The following SLC12A1 variants were observed in gnomAD, a reference collection of about 807,000 sequenced individuals.
SLC12A1 encodes Na-K-2Cl cotransporter.
Under a neutral mutation model 130.4 loss-of-function variants are expected in SLC12A1, and 89 were observed. The ratio of observed to expected loss-of-function variants is 0.68; its 90% CI spans 0.58 to 0.81. The LOEUF (loss-of-function observed/expected upper bound fraction) is 0.81, where lower values mean the gene tolerates loss of function less well. Among genes scored for constraint, SLC12A1 ranks in the 40% least tolerant of loss-of-function variants. The probability of loss-of-function intolerance (pLI) is 0.00; values close to 1 mark genes in which losing one functional copy is unlikely to be tolerated. For missense variants in SLC12A1, 1,310 were observed against 1,336.4 expected, an observed-to-expected ratio of 0.98 and a Z score of 0.31; for synonymous variants, 499 against 460.0, an observed-to-expected ratio of 1.08 and a Z score of -1.09.
chr15:48,244,402 A>G (rs1172299142), intron 10 of SLC12A1, among the ~76,000 whole-genome samples: 1 of 152,226 alleles, frequency 6.6e-6, no homozygotes. Flanking sequence ...CTTCTACTTG[A>G]AAAACATCCA....
chr15:48,234,613 G>A lies in SLC12A1; in HGVS notation c.1088-264G>A, dbSNP rs190099260. ...CAAAAAATTAGCCAGGTGTGGTGGCGGGCGCCTGTAATCCCAGCTACTTGC... is the reference window on the plus strand; with the variant it reads ...CAAAAAATTAGCCAGGTGTGGTGGCAGGCGCCTGTAATCCCAGCTACTTGC... On this transcript the variant is annotated intron_variant, in intron 8 of 26. Transcript: ENST00000380993. Among the ~76,000 whole-genome samples the A allele has an allele frequency of 2.9e-3, 443 of 151,958 alleles. 4 individuals are homozygous for A. Among genetic ancestry groups the A allele is most frequent in the African/African-American group, 0.01 (416 of 41,432 alleles).
chr15:48,209,406 T>C (rs549708292), intron 2 of SLC12A1, among the ~76,000 whole-genome samples: 2 of 152,166 alleles, frequency 1.3e-5, no homozygotes, highest in Non-Finnish European at 2.9e-5. Flanking sequence ...TTCCATAACT[T>C]TCTCCAAAAT....
intron 23 of SLC12A1, among the ~76,000 whole-genome samples, chr15:48,289,554 T>C (rs1239012400): frequency 6.6e-6 from 1 of 151,932 alleles, no homozygotes; most frequent in Non-Finnish European, 1.5e-5. Context: ...CAATTTCCTA[T>C]TGTGCAAACA....
chr15:48,281,179 C>T (rs2042005528), intron 20 of SLC12A1, among the ~76,000 whole-genome samples: 1 of 152,166 alleles, frequency 6.6e-6, no homozygotes, highest in Admixed American at 6.5e-5. Flanking sequence ...CTCTGTGTTT[C>T]ACTTTTTGCA....
chr15:48,208,783 G>A (rs927249164), intron 2 of SLC12A1, among the ~76,000 whole-genome samples: 44 of 152,162 alleles, frequency 2.9e-4, no homozygotes, highest in Non-Finnish European at 4.4e-5. Flanking sequence ...TATGTCAATC[G>A]TATAAAAAGC....
intron 19 of SLC12A1, 146 bp from the exon 20 acceptor site, chr15:48,274,425 C>T (rs1433937840): frequency 6.3e-6 from 4 of 633,676 alleles, no homozygotes; most frequent in South Asian, 1.8e-5. Context: ...AACAAACAAA[C>T]AAATGCATCA....
intron 2 of SLC12A1, among the ~76,000 whole-genome samples, chr15:48,209,993 G>C (rs542802729): frequency 6.6e-6 from 1 of 152,316 alleles, no homozygotes; most frequent in Admixed American, 6.5e-5. Flanking sequence ...GACAATTTCA[G>C]ACAACATGGT....
chr15:48,240,092 C>CATAT (rs1202434183), intron 9 of SLC12A1, among the ~76,000 whole-genome samples: 29 of 60,414 alleles, frequency 4.8e-4, no homozygotes, highest in African/African-American at 1.9e-3. Flanking sequence ...TATATATATC[C>CATAT]ATATATATAT....
intron 1 of SLC12A1, among the ~76,000 whole-genome samples, chr15:48,206,966 T>C (rs961791952): frequency 1.3e-5 from 2 of 152,164 alleles, no homozygotes; most frequent in Admixed American, 1.3e-4. Flanking sequence ...ATCATCTTGA[T>C]GGGATGTATT....
intron 10 of SLC12A1, 79 bp downstream of exon 10, chr15:48,241,678 A>T (rs1368227615): frequency 1.0e-6 from 1 of 973,162 alleles, no homozygotes; most frequent in Non-Finnish European, 1.7e-6. Context: ...CTTTCAATGC[A>T]GCATAAATAC....
intron 10 of SLC12A1, among the ~76,000 whole-genome samples, chr15:48,242,892 G>C (rs2041533854): frequency 6.6e-6 from 1 of 152,096 alleles, no homozygotes; most frequent in Non-Finnish European, 1.5e-5. Flanking sequence ...CAGTGCTTTA[G>C]GAAATCAACA....
chr15:48,221,242 A>T (rs2041211330), intron 4 of SLC12A1: 4 of 675,660 alleles, frequency 5.9e-6, no homozygotes, highest in Admixed American at 2.2e-5. Context: ...CTCTTTTGAT[A>T]GAGTTTTAGG....
chr15:48,251,375 A>G (rs980437786), intron 14 of SLC12A1, among the ~76,000 whole-genome samples: 1 of 151,950 alleles, frequency 6.6e-6, no homozygotes, highest in Non-Finnish European at 1.5e-5. Context: ...AGGGTCCTGA[A>G]TGGCATATTT....
intron 8 of SLC12A1, among the ~76,000 whole-genome samples, chr15:48,233,537 C>T (rs115721024): frequency 2.0e-4 from 30 of 152,322 alleles, no homozygotes; most frequent in African/African-American, 6.7e-4. Context: ...GTGTAGCATC[C>T]TGTGATAACA....
chr15:48,208,078 G>A lies in SLC12A1; in HGVS notation c.359G>A (p.Ser120Asn). 1 of 1,613,030 alleles carries A rather than the reference G, an allele frequency of 6.2e-7. No individual in the cohort carries two copies. The highest frequency in any genetic ancestry group is 8.5e-7 in the Non-Finnish European group (1 of 1,179,344). The change falls in exon 2 of 27, where the codon AGC becomes AAC. Residue 120 changes from serine (S) to asparagine (N), a missense_variant. Ser to Asn is a conservative substitution (Grantham distance 46, BLOSUM62 1). Transcript: ENST00000380993. ...ATAGAGTACTATCGTAACACCGGCA[G>A]CATCAGTGGGCCCAAGGTCAACCGA... ...PKIEYYRNTG[S>N]ISGPKVNRPS...
At chr15:48,260,382 A>ACC (rs1566845386) in intron 17 of SLC12A1, among the ~76,000 whole-genome samples, 30 of 142,982 alleles carry the variant, frequency 2.1e-4, no homozygotes, top group South Asian at 1.1e-3. Flanking sequence ...ACACACACAC[A>ACC]CCACTGAAAA....
chr15:48,229,035 T>G, intron 5 of SLC12A1, 154 bp from the exon 6 acceptor site: 1 of 745,324 alleles, frequency 1.3e-6, no homozygotes, highest in Non-Finnish European at 2.1e-6. Context: ...GGCTAAGTTA[T>G]TCACTGGGTA....
intron 17 of SLC12A1, among the ~76,000 whole-genome samples, chr15:48,264,212 T>C (rs562078082): frequency 6.6e-6 from 1 of 152,340 alleles, no homozygotes; most frequent in Non-Finnish European, 1.5e-5. Flanking sequence ...TCCTCTCCTG[T>C]AAAGGAGGAA....
rs1421213903 is a variant in SLC12A1 at position 48,221,430 on chromosome 15, C to T, written c.628+434C>T. The T allele has an allele frequency of 5.8e-6, 4 of 694,718 alleles. No individual in the cohort carries two copies. The East Asian group carries it at 8.1e-5, about 14-fold the overall frequency. 43.0% of individuals were successfully genotyped at this position (694,718 alleles called of 1,614,324 possible). Reference sequence around the variant, plus strand: ...AAATGTGACCTGACTAATAAAAATGCTGAATTGTTGAACTTTTTCCAAAGA... The same window carrying T: ...AAATGTGACCTGACTAATAAAAATGTTGAATTGTTGAACTTTTTCCAAAGA... On this transcript the variant is annotated intron_variant, in intron 4 of 26. Transcript: ENST00000380993.
Sources: gnomAD v4.1 joint callset for allele counts (sites outside exome capture counted in the v4.1 genomes callset) on GRCh38, gnomAD v4.1.1 for gene constraint, MANE v1.5 for transcripts, NCBI Gene and HGNC (gene_info 2026-07-23, HGNC 2026-07-21) for gene names.